The following SCEL variants were observed in gnomAD, a reference collection of about 807,000 sequenced individuals.
SCEL encodes the protein sciellin.
Under a neutral mutation model 117.6 loss-of-function variants are expected in SCEL, and 113 were observed. That is an observed-to-expected ratio of 0.96 (90% CI 0.83 to 1.12). The LOEUF is 1.12. Ranked by LOEUF, SCEL falls within the 50% of genes most tolerant of loss-of-function variation. SCEL has a pLI of 0.00. For synonymous variants in SCEL, 270 were observed against 256.2 expected (o/e 1.05, Z -0.51); for missense variants, 785 against 810.8 (o/e 0.97, Z 0.39).
chr13:77,578,436 C>T (rs2086078427), intron 9 of SCEL, among the ~76,000 whole-genome samples: 1 of 152,056 alleles, frequency 6.6e-6, no homozygotes, highest in African/African-American at 2.4e-5. Context: ...GAGCAGAGAA[C>T]TCTGAAAAGT....
chr13:77,578,249 C>G (rs80113302), intron 9 of SCEL, among the ~76,000 whole-genome samples: 202 of 152,100 alleles, frequency 1.3e-3, no homozygotes, highest in African/African-American at 4.7e-3. Flanking sequence ...TTGGGTGGTG[C>G]TTTCACAAGT....
At chr13:77,557,056 A>G (rs1251466171) in intron 3 of SCEL, among the ~76,000 whole-genome samples, 1 of 152,212 alleles carries the variant, frequency 6.6e-6, no homozygotes, top group Admixed American at 6.5e-5. Flanking sequence ...TGATCGGACA[A>G]TCCTGCTCTG....
At chr13:77,545,728 TC>T (rs767884544) in intron 1 of SCEL, among the ~76,000 whole-genome samples, 36 of 152,198 alleles carry the variant, frequency 2.4e-4, no homozygotes, top group Non-Finnish European at 4.1e-4. Context: ...GGACAATGGG[TC>T]CTAAGAGAAG....
rs531370505 is a variant in SCEL at position 77,552,973 on chromosome 13, C to T, written c.-19-2884C>T. ...CCATTTATTAAATAGGGAATCCTTT[C>T]GCCATTGCTTGTTTTTCTCAGGTTT... On this transcript the variant is annotated intron_variant, in intron 1 of 32. Transcript: ENST00000349847. 6.6e-5 allele frequency among the ~76,000 whole-genome samples: 10 copies of T among 152,290 alleles called. No individual in the cohort carries two copies. In the East Asian group the frequency reaches 7.7e-4, roughly 12 times the overall value.
intron 12 of SCEL, among the ~76,000 whole-genome samples, chr13:77,597,306 G>GA (rs1380663542): frequency 1.3e-5 from 2 of 151,892 alleles, no homozygotes; most frequent in Non-Finnish European, 2.9e-5. Context: ...AGCAGGTGCA[G>GA]AAAAAACAAA....
At chr13:77,571,152 G>T (rs1481661302) in intron 8 of SCEL, among the ~76,000 whole-genome samples, 2 of 149,260 alleles carry the variant, frequency 1.3e-5, no homozygotes, top group African/African-American at 4.9e-5. Context: ...TTTAAAAATT[G>T]TATTTTGAGG....
At chr13:77,594,060 C>G (rs1287445105) in intron 12 of SCEL, among the ~76,000 whole-genome samples, 2 of 152,130 alleles carry the variant, frequency 1.3e-5, no homozygotes, top group Non-Finnish European at 2.9e-5. Flanking sequence ...AATTAAACAT[C>G]TAAAATGTCC....
rs115750340 is a variant in SCEL, at chr13:77,617,091, T to G, written c.1452-508T>G. Among the ~76,000 whole-genome samples, 460 of 152,242 alleles carry G rather than the reference T, an allele frequency of 3.0e-3. 1 individual carries two copies. The highest frequency in any genetic ancestry group is 0.011 in the African/African-American group (441 of 41,558). ...GCGGACAGTTTTCAGAGTATGTAAC[T>G]CATTTTACTATGAACAGCTGAGTTT... On this transcript the variant is annotated intron_variant, in intron 24 of 32. Coordinates refer to ENST00000349847, the MANE Select transcript of SCEL (RefSeq NM_144777.3).
chr13:77,643,159 T>C (rs2090640920), intron 32 of SCEL, among the ~76,000 whole-genome samples: 1 of 152,144 alleles, frequency 6.6e-6, no homozygotes, highest in African/African-American at 2.4e-5. Flanking sequence ...CACTTGAATA[T>C]TGTATAATTT....
At position 77,604,394 on chromosome 13, in the gene SCEL, A is replaced by G; in HGVS notation, c.1136A>G (p.Glu379Gly). 1 of 1,576,866 alleles carries G rather than the reference A, an allele frequency of 6.3e-7. No individual in the cohort carries two copies. The change falls in exon 19 of 33, where the codon GAA becomes GGA. Residue 379 changes from glutamate (E) to glycine (G), a missense_variant. Physicochemically the swap from Glu to Gly is moderately conservative, Grantham distance 98. Coordinates refer to ENST00000349847, the MANE Select transcript of SCEL (RefSeq NM_144777.3). ...GATGGGCTTATTAAAGTGGATCCTG[A>G]AACAAATAAAAATATTACGAGGTAA... is the stretch of plus-strand genomic sequence containing the variant. ...DLDGLIKVDP[E>G]TNKNITRGQS...
intron 11 of SCEL, 66 bp downstream of exon 11, chr13:77,591,526 TA>T (rs1319209644): frequency 7.7e-6 from 7 of 912,514 alleles, no homozygotes; most frequent in East Asian, 2.5e-5. Context: ...CTCAGCACAT[TA>T]AAAAATGCAA....
At position 77,593,298 on chromosome 13, in the gene SCEL, C is replaced by CGCG. The variant is rs1195863187; in HGVS notation, c.693-216_693-215insGCG. 7.3e-4 allele frequency among the ~76,000 whole-genome samples: 54 copies of CGCG among 73,738 alleles called. 2 individuals carry two copies. Among genetic ancestry groups the CGCG allele is most frequent in the African/African-American group, 3.0e-3 (51 of 17,120 alleles). The allele number at this position is 73,738 out of a possible 152,430, so 48.4% of individuals were successfully genotyped here. ...TGTGTGTGTGTGTGTGTGTGTGTGTCTGTGTGTGTGTGTGTGTGTGTCAGT... is the reference window on the plus strand; with the variant it reads ...TGTGTGTGTGTGTGTGTGTGTGTGTCGCGTGTGTGTGTGTGTGTGTGTGTCAGT... On this transcript the variant is annotated intron_variant, in intron 11 of 32. Coordinates refer to ENST00000349847, the MANE Select transcript of SCEL (RefSeq NM_144777.3).
intron 24 of SCEL, 61 bp downstream of exon 24, chr13:77,614,016 A>G: frequency 2.3e-6 from 3 of 1,295,140 alleles, no homozygotes; most frequent in South Asian, 1.2e-5. Context: ...ATTAATAGAA[A>G]TGATTTAGAA....
In SCEL at chr13:77,589,152, G is replaced by A. The variant is rs542417107; in HGVS notation, c.554G>A (p.Gly185Asp). 2.5e-6 allele frequency: 4 copies of A among 1,612,074 alleles called. No homozygotes were observed. The highest frequency in any genetic ancestry group is 3.4e-6 in the Non-Finnish European group (4 of 1,178,442). The change falls in exon 10 of 33, where the codon GGT (glycine) becomes GAT (aspartate). Residue 185 changes from glycine (G) to aspartate (D), a missense_variant. By Grantham distance (94) the Gly-to-Asp change is moderately conservative. Coordinates refer to ENST00000349847, the MANE Select transcript of SCEL (RefSeq NM_144777.3). ...SSTGTRRREP[G>D]VHPPIPPKPS... ...TGTTTTCTGTTTTAAAGGGAACCAG[G>A]TGTTCACCCTCCAATACCTCCAAAG... is the stretch of plus-strand genomic sequence containing the variant.
intron 1 of SCEL, among the ~76,000 whole-genome samples, chr13:77,544,592 C>T (rs888970864): frequency 6.6e-6 from 1 of 152,160 alleles, no homozygotes; most frequent in Non-Finnish European, 1.5e-5. Context: ...GAATTCTTGG[C>T]ATTGGGACAA....
At chr13:77,635,056 A>G (rs1375681116) in intron 29 of SCEL, among the ~76,000 whole-genome samples, 1 of 152,172 alleles carries the variant, frequency 6.6e-6, no homozygotes, top group Non-Finnish European at 1.5e-5. Context: ...GGTATACATG[A>G]CCCATATGTT....
chr13:77,618,098 T>C, intron 27 of SCEL, 38 bp downstream of exon 27: 1 of 1,533,726 alleles, frequency 6.5e-7, no homozygotes, highest in Non-Finnish European at 9.0e-7. Flanking sequence ...TTTACAAGTT[T>C]CTAGGGTAGG....
intron 24 of SCEL, among the ~76,000 whole-genome samples, chr13:77,615,945 A>G (rs2088987224): frequency 1.3e-5 from 2 of 151,946 alleles, no homozygotes; most frequent in South Asian, 4.2e-4. Flanking sequence ...AATGAACTGA[A>G]TAGAAAATAT....
At chr13:77,589,064 C>T in intron 9 of SCEL, 80 bp from the exon 10 acceptor site, 1 of 987,074 alleles carries the variant, frequency 1.0e-6, no homozygotes, top group East Asian at 2.5e-5. Flanking sequence ...TTTATGTAGG[C>T]AATAAATGCA....
Sources: allele counts gnomAD v4.1 joint callset (sites outside exome capture counted in the v4.1 genomes callset), GRCh38; gene constraint gnomAD v4.1.1; transcripts MANE v1.5; gene names NCBI Gene and HGNC (gene_info 2026-07-23, HGNC 2026-07-21).